The following RBFOX1 variants were observed in gnomAD, a reference collection of about 807,000 sequenced individuals.
The protein encoded by RBFOX1 is RNA binding fox-1 homolog 1.
A neutral mutation model predicts 57.7 loss-of-function variants in RBFOX1; 8 were observed. That is an observed-to-expected ratio of 0.14 (90% CI 0.08 to 0.25). The LOEUF (loss-of-function observed/expected upper bound fraction) is 0.25. Among genes scored for constraint, RBFOX1 ranks in the 10% least tolerant of loss-of-function variants. The probability of loss-of-function intolerance (pLI) is 1.00; values close to 1 mark genes in which losing one functional copy is unlikely to be tolerated. For synonymous variants in RBFOX1, 326 were observed against 222.4 expected, an observed-to-expected ratio of 1.47 and a Z score of -4.15; for missense variants, 611 against 548.5, an observed-to-expected ratio of 1.11 and a Z score of -1.14.
intron 4 of RBFOX1, among the ~76,000 whole-genome samples, chr16:5,935,122 C>T (rs1024196847): frequency 7.9e-5 from 12 of 152,212 alleles, no homozygotes; most frequent in African/African-American, 2.9e-4. Flanking sequence ...ACCTCCTGGC[C>T]TTCCAAGAAG....
At chr16:5,563,247 C>G (rs567841222) in intron 2 of RBFOX1, among the ~76,000 whole-genome samples, 74 of 152,304 alleles carry the variant, frequency 4.9e-4, no homozygotes, top group African/African-American at 1.8e-3. Context: ...CCGCGCCCAG[C>G]TGAGGCTGTA....
chr16:7,439,570 G>A (rs1383570684), intron 4 of RBFOX1, among the ~76,000 whole-genome samples: 3 of 152,146 alleles, frequency 2.0e-5, no homozygotes, highest in African/African-American at 7.2e-5. Context: ...AAGGCAACGA[G>A]GAGAGCATTT....
chr16:7,027,683 C>G (rs7199057), intron 3 of RBFOX1, among the ~76,000 whole-genome samples: 7,412 of 152,220 alleles, frequency 0.049, 622 homozygotes, highest in African/African-American at 0.17. Flanking sequence ...GGAAGGTTTC[C>G]AGACAGAAGA....
intron 2 of RBFOX1, among the ~76,000 whole-genome samples, chr16:6,471,084 G>A (rs2095163673): frequency 6.6e-6 from 1 of 152,100 alleles, no homozygotes; most frequent in Admixed American, 6.6e-5. Context: ...TGACACATGG[G>A]CCCCTTTATC....
chr16:5,834,511 G>A (rs1220778126), intron 3 of RBFOX1, among the ~76,000 whole-genome samples: 4 of 152,068 alleles, frequency 2.6e-5, no homozygotes, highest in African/African-American at 4.8e-5. Flanking sequence ...CTGTTGATGG[G>A]CACTTGGTTT....
intron 1 of RBFOX1, among the ~76,000 whole-genome samples, chr16:6,034,461 G>C (rs1482304023): frequency 6.6e-6 from 1 of 151,816 alleles, no homozygotes; most frequent in African/African-American, 2.4e-5. Context: ...GTCTAGTGAG[G>C]GATGCCCGCT....
chr16:6,942,767 A>G (rs1191582355), intron 3 of RBFOX1, among the ~76,000 whole-genome samples: 2 of 152,214 alleles, frequency 1.3e-5, no homozygotes, highest in East Asian at 3.9e-4. Context: ...CAGGTAAAAA[A>G]TAAGGGCAAA....
At chr16:5,459,488 G>A (rs1264406888) in intron 1 of RBFOX1, among the ~76,000 whole-genome samples, 2 of 151,564 alleles carry the variant, frequency 1.3e-5, no homozygotes, top group African/African-American at 4.8e-5. Flanking sequence ...TGAATCCCAG[G>A]CTCACGTGAC....
At chr16:6,989,205 G>T (rs1049006108) in intron 3 of RBFOX1, among the ~76,000 whole-genome samples, 1 of 152,034 alleles carries the variant, frequency 6.6e-6, no homozygotes. Flanking sequence ...CTCTTTTTCC[G>T]TTTTAAAATG....
intron 5 of RBFOX1, among the ~76,000 whole-genome samples, chr16:7,564,804 TTC>T (rs2152709400): frequency 6.6e-6 from 1 of 152,332 alleles, no homozygotes; most frequent in South Asian, 2.1e-4. Flanking sequence ...TCCTATTTTT[TTC>T]CCAAGGAATA....
chr16:5,549,998 T>C (rs2045393630), intron 2 of RBFOX1, among the ~76,000 whole-genome samples: 1 of 152,244 alleles, frequency 6.6e-6, no homozygotes, highest in Non-Finnish European at 1.5e-5. Flanking sequence ...TTGCTCAATG[T>C]CTCAGCCCAG....
chr16:7,177,798 C>G (rs12921881), intron 4 of RBFOX1, among the ~76,000 whole-genome samples: 3 of 151,962 alleles, frequency 2.0e-5, no homozygotes, highest in South Asian at 2.1e-4. Context: ...AGCACAAAAG[C>G]CCCTGTGGAC....
At chr16:6,548,490 T>A (rs894855397) in intron 2 of RBFOX1, among the ~76,000 whole-genome samples, 1 of 152,228 alleles carries the variant, frequency 6.6e-6, no homozygotes, top group Admixed American at 6.5e-5. Flanking sequence ...ACACACTGAT[T>A]TCTTCAGAAT....
chr16:6,905,497 G>C (rs1482999207), intron 3 of RBFOX1, among the ~76,000 whole-genome samples: 1 of 150,910 alleles, frequency 6.6e-6, no homozygotes, highest in East Asian at 1.9e-4. Flanking sequence ...AGGTTGCAGT[G>C]AGCCAAGCTG....
At chr16:6,991,809 G>A (rs544880462) in intron 3 of RBFOX1, among the ~76,000 whole-genome samples, 1 of 152,242 alleles carries the variant, frequency 6.6e-6, no homozygotes, top group South Asian at 2.1e-4. Flanking sequence ...AGTGCTGCTA[G>A]GATTACAGGT....
chr16:5,891,723 T>C (rs1247641513), intron 4 of RBFOX1, among the ~76,000 whole-genome samples: 1 of 151,932 alleles, frequency 6.6e-6, no homozygotes, highest in East Asian at 1.9e-4. Flanking sequence ...AAAGGAACAG[T>C]GAGAAAGGGC....
chr16:6,887,014 T>C (rs1351299921), intron 3 of RBFOX1, among the ~76,000 whole-genome samples: 1 of 152,152 alleles, frequency 6.6e-6, no homozygotes, highest in Non-Finnish European at 1.5e-5. Flanking sequence ...CACTTTCTGG[T>C]TTGATTATCT....
intron 3 of RBFOX1, among the ~76,000 whole-genome samples, chr16:6,757,635 A>G (rs543430063): frequency 1.3e-5 from 2 of 152,286 alleles, no homozygotes; most frequent in South Asian, 4.2e-4. Context: ...GGTGGTTACC[A>G]GAGGCTGGGA....
intron 1 of RBFOX1, among the ~76,000 whole-genome samples, chr16:6,058,820 C>A (rs1201931409): frequency 7.0e-6 from 1 of 142,464 alleles, no homozygotes; most frequent in Non-Finnish European, 1.5e-5. Context: ...ACCCACTTAC[C>A]CACTCATTTA....
Sources: gnomAD v4.1 joint callset for allele counts (sites outside exome capture counted in the v4.1 genomes callset) on GRCh38, gnomAD v4.1.1 for gene constraint, MANE v1.5 for transcripts, NCBI Gene and HGNC (gene_info 2026-07-23, HGNC 2026-07-21) for gene names.